Variants in PTPRD observed in about 807,000 individuals in gnomAD.
PTPRD encodes the protein receptor-type tyrosine-protein phosphatase delta.
PTPRD carries 34 observed loss-of-function variants against 214.5 expected under a neutral mutation model. The ratio of observed to expected loss-of-function variants is 0.16; its 90% confidence interval spans 0.12 to 0.21. PTPRD has a LOEUF of 0.21. Ranked by LOEUF, PTPRD falls within the 10% of genes least tolerant of loss-of-function variation. The probability of loss-of-function intolerance (pLI) is 1.00; values close to 1 mark genes in which losing one functional copy is unlikely to be tolerated. For synonymous variants in PTPRD, 1,128 were observed against 845.7 expected (o/e 1.33, Z -5.79); for missense variants, 2,545 against 2,398.7 (o/e 1.06, Z -1.27).
chr9:10,098,546 T>C (rs954732675), intron 3 of PTPRD, among the ~76,000 whole-genome samples: 6 of 151,804 alleles, frequency 4.0e-5, no homozygotes, highest in Non-Finnish European at 8.8e-5. Flanking sequence ...CTTTCCTACT[T>C]GAGCGCACAC....
chr9:9,176,702 G>T (rs1263606081), intron 10 of PTPRD, among the ~76,000 whole-genome samples: 1 of 152,086 alleles, frequency 6.6e-6, no homozygotes, highest in Non-Finnish European at 1.5e-5. Context: ...GAAAGAATAA[G>T]TTCTGTCCCC....
At chr9:8,793,663 G>C (rs780509659) in intron 11 of PTPRD, among the ~76,000 whole-genome samples, 4 of 152,042 alleles carry the variant, frequency 2.6e-5, no homozygotes, top group Non-Finnish European at 4.4e-5. Flanking sequence ...GTTTGCAGAG[G>C]TTTGCCAAAT....
intron 5 of PTPRD, among the ~76,000 whole-genome samples, chr9:9,770,123 C>T (rs1488233484): frequency 6.6e-6 from 1 of 152,110 alleles, no homozygotes; most frequent in Admixed American, 6.6e-5. Context: ...AGTATATATC[C>T]AGTAATGAGA....
At chr9:9,141,657 A>G (rs1034977461) in intron 10 of PTPRD, among the ~76,000 whole-genome samples, 2 of 151,288 alleles carry the variant, frequency 1.3e-5, no homozygotes, top group Non-Finnish European at 2.9e-5. Flanking sequence ...CTTTCACACC[A>G]ACACCCATTA....
rs75341081 is a variant in PTPRD at position 8,643,247 on chromosome 9, A to G, written c.65-6403T>C. 8.7e-3 allele frequency among the ~76,000 whole-genome samples: 1,319 copies of G among 152,282 alleles called. 12 individuals carry two copies. The highest frequency in any genetic ancestry group is 0.04 in the East Asian group (207 of 5,178). On this transcript the variant is annotated intron_variant, in intron 12 of 45. Coordinates refer to ENST00000381196, the MANE Select transcript of PTPRD (RefSeq NM_002839.4). ...CCATGCACTAGACTAAATGTTTAAT[A>G]TATCTTATATACGGTGTTTTCAAAG...
intron 5 of PTPRD, among the ~76,000 whole-genome samples, chr9:9,920,058 A>G (rs530317126): frequency 4.6e-5 from 7 of 152,260 alleles, no homozygotes; most frequent in African/African-American, 1.4e-4. Context: ...ATAAGCAGCA[A>G]TGTTAGCAAT....
chr9:9,914,855 G>A (rs1386600887), intron 5 of PTPRD, among the ~76,000 whole-genome samples: 2 of 152,066 alleles, frequency 1.3e-5, no homozygotes, highest in African/African-American at 2.4e-5. Context: ...TCTATGTCAT[G>A]GGCCTGCAAA....
intron 11 of PTPRD, among the ~76,000 whole-genome samples, chr9:8,875,185 T>A (rs2098372770): frequency 6.6e-6 from 1 of 152,170 alleles, no homozygotes; most frequent in African/African-American, 2.4e-5. Flanking sequence ...ATAAATAACA[T>A]AATTGCTTAT....
chr9:8,435,527 C>T (rs996499236), intron 35 of PTPRD, among the ~76,000 whole-genome samples: 3 of 152,110 alleles, frequency 2.0e-5, no homozygotes, highest in East Asian at 3.9e-4. Context: ...GGTATATCTA[C>T]AAGATTTTAG....
At chr9:9,804,593 G>T (rs1445636844) in intron 5 of PTPRD, among the ~76,000 whole-genome samples, 1 of 152,050 alleles carries the variant, frequency 6.6e-6, no homozygotes, top group Non-Finnish European at 1.5e-5. Flanking sequence ...CACCTAGTAG[G>T]TGTTGAATAA....
chr9:9,957,535 G>A (rs1383323353), intron 4 of PTPRD, among the ~76,000 whole-genome samples: 3 of 152,058 alleles, frequency 2.0e-5, no homozygotes, highest in Non-Finnish European at 4.4e-5. Flanking sequence ...AAGGAAAGCA[G>A]AAAGAATACT....
chr9:9,842,472 T>G (rs1210341790), intron 5 of PTPRD, among the ~76,000 whole-genome samples: 1 of 151,644 alleles, frequency 6.6e-6, no homozygotes, highest in Non-Finnish European at 1.5e-5. Context: ...CAAGTGGGCT[T>G]TAAGAAATAA....
intron 10 of PTPRD, among the ~76,000 whole-genome samples, chr9:9,145,808 G>A (rs1221307800): frequency 1.3e-5 from 2 of 152,184 alleles, no homozygotes; most frequent in Non-Finnish European, 2.9e-5. Flanking sequence ...TTCATAGGAT[G>A]TTCTAGTACC....
chr9:8,778,106 C>A (rs1358558011), intron 11 of PTPRD, among the ~76,000 whole-genome samples: 2 of 152,192 alleles, frequency 1.3e-5, no homozygotes, highest in African/African-American at 4.8e-5. Flanking sequence ...ACATTTCCAT[C>A]TGAAAGGTTC....
At chr9:10,106,874 G>T (rs569220783) in intron 3 of PTPRD, among the ~76,000 whole-genome samples, 4 of 152,026 alleles carry the variant, frequency 2.6e-5, no homozygotes, top group African/African-American at 9.6e-5. Context: ...AAAGGAAAGG[G>T]AGAGTGAAAG....
At chr9:10,344,409 C>G (rs1369068588) in intron 2 of PTPRD, among the ~76,000 whole-genome samples, 3 of 152,078 alleles carry the variant, frequency 2.0e-5, no homozygotes, top group African/African-American at 7.2e-5. Context: ...GGTACCAGCA[C>G]CATGCTGTTT....
At chr9:8,514,761 T>C (rs147066326) in intron 21 of PTPRD, among the ~76,000 whole-genome samples, 1 of 152,278 alleles carries the variant, frequency 6.6e-6, no homozygotes, top group East Asian at 1.9e-4. Context: ...GTAATGGTAG[T>C]TGATAATGAT....
chr9:8,606,281 T>C (rs1409583413), intron 14 of PTPRD, among the ~76,000 whole-genome samples: 1 of 152,152 alleles, frequency 6.6e-6, no homozygotes, highest in African/African-American at 2.4e-5. Context: ...ATAGGCATGA[T>C]TCTACAATTA....
intron 2 of PTPRD, among the ~76,000 whole-genome samples, chr9:10,549,869 A>G (rs1487190287): frequency 6.6e-6 from 1 of 152,156 alleles, no homozygotes; most frequent in Non-Finnish European, 1.5e-5. Flanking sequence ...TTCACAGAAC[A>G]ATTCCCTCCT....
Sources: gnomAD v4.1 joint callset for allele counts (sites outside exome capture counted in the v4.1 genomes callset) on GRCh38, gnomAD v4.1.1 for gene constraint, MANE v1.5 for transcripts, NCBI Gene and HGNC (gene_info 2026-07-23, HGNC 2026-07-21) for gene names.